The following HIVEP2 variants were observed in gnomAD, a reference collection of about 807,000 sequenced individuals.
HIVEP2 encodes the protein HIVEP zinc finger 2, also known as transcription factor HIVEP2.
Under a neutral mutation model 180.7 loss-of-function variants are expected in HIVEP2, and 14 were observed. The ratio of observed to expected loss-of-function variants is 0.08; its 90% CI spans 0.05 to 0.12. The LOEUF is 0.12. HIVEP2 is among the 10% of genes least tolerant of loss of function. The pLI, the probability that HIVEP2 is intolerant of heterozygous loss-of-function variation, is 1.00. For missense variants in HIVEP2, 2,579 were observed against 3,008.5 expected, an observed-to-expected ratio of 0.86 and a Z score of 3.34; for synonymous variants, 1,184 against 1,136.4, an observed-to-expected ratio of 1.04 and a Z score of -0.84.
At chr6:142,777,325 A>G (rs930732687) in intron 3 of HIVEP2, among the ~76,000 whole-genome samples, 3 of 152,168 alleles carry the variant, frequency 2.0e-5, no homozygotes, top group African/African-American at 7.2e-5. Context: ...AGGGGATAGT[A>G]ACATTAAATG....
At chr6:142,777,736 C>G (rs190641204) in intron 3 of HIVEP2, among the ~76,000 whole-genome samples, 80 of 149,506 alleles carry the variant, frequency 5.4e-4, no homozygotes, top group Non-Finnish European at 1.1e-3. Flanking sequence ...TTTTTACCTT[C>G]CATCTCATGA....
In HIVEP2 at chr6:142,770,524, G is replaced by A. The variant is rs1775501185; in HGVS notation, c.4215C>T (p.Pro1405=). 1 of 1,614,144 alleles carries A rather than the reference G, an allele frequency of 6.2e-7. No individual in the cohort carries two copies. The highest frequency in any genetic ancestry group is 8.5e-7 in the Non-Finnish European group (1 of 1,180,036). The change falls in exon 5 of 10, where the codon CCC becomes CCT. Residue 1405 remains proline (P), a synonymous_variant. Coordinates refer to ENST00000367603, the MANE Select transcript of HIVEP2 (RefSeq NM_006734.4). This position sits in a 1 kb window ranked among gnomAD's most constrained non-coding sequence, Gnocchi z 4.7. Reference sequence around the variant, plus strand: ...GCAAAGTCTGAGGTGCTTTCCAAATGGGGTACTTCTCCAAGCCCGCATGCT... The same window carrying A: ...GCAAAGTCTGAGGTGCTTTCCAAATAGGGTACTTCTCCAAGCCCGCATGCT... ...LGQHAGLEKY[P]IWKAPQTLPL...
intron 1 of HIVEP2, among the ~76,000 whole-genome samples, chr6:142,851,258 G>T (rs907831965): frequency 6.6e-6 from 1 of 152,186 alleles, no homozygotes; most frequent in African/African-American, 2.4e-5. Context: ...TTTCACTGTG[G>T]TAAGACTCAG....
intron 9 of HIVEP2, among the ~76,000 whole-genome samples, chr6:142,755,456 C>T (rs948716301): frequency 1.3e-5 from 2 of 152,202 alleles, no homozygotes; most frequent in Non-Finnish European, 2.9e-5. Flanking sequence ...TAATCAAGTA[C>T]GTTTTCTTTT....
intron 1 of HIVEP2, among the ~76,000 whole-genome samples, chr6:142,854,527 A>G (rs915260397): frequency 6.6e-6 from 1 of 152,214 alleles, no homozygotes; most frequent in East Asian, 1.9e-4. Flanking sequence ...AAATTCTACA[A>G]AAAAACCCAT....
intron 1 of HIVEP2, among the ~76,000 whole-genome samples, chr6:142,864,530 C>T (rs983672406): frequency 4.6e-5 from 7 of 152,140 alleles, no homozygotes; most frequent in Non-Finnish European, 7.4e-5. Flanking sequence ...ACTGTTTATA[C>T]GTTTAGGATA....
At chr6:142,801,789 C>A (rs765522125) in intron 2 of HIVEP2, among the ~76,000 whole-genome samples, 11 of 152,106 alleles carry the variant, frequency 7.2e-5, no homozygotes, top group African/African-American at 1.2e-4. Context: ...AATTTTAAAT[C>A]CATGGCCCTT....
At position 142,772,771 on chromosome 6, in the gene HIVEP2, T is replaced by C. The variant is rs1295727712; in HGVS notation, c.1968A>G (p.Gln656=). 2 of 1,614,230 alleles carry C rather than the reference T, an allele frequency of 1.2e-6. No homozygotes were observed. The highest frequency in any genetic ancestry group is 1.1e-5 in the South Asian group (1 of 91,088). ...KKWEDSETPK[Q]NYRDISCLSS... Reference sequence around the variant, plus strand: ...TCAAGCAGGAAATGTCCCTGTAGTTTTGCTTTGGTGTTTCAGAGTCCTCCC... The same window carrying C: ...TCAAGCAGGAAATGTCCCTGTAGTTCTGCTTTGGTGTTTCAGAGTCCTCCC... Residue 656 remains glutamine (Q), a synonymous_variant, in exon 5 of 10, where the codon CAA becomes CAG. Transcript: ENST00000367603. This position sits in a 1 kb window ranked among gnomAD's most constrained non-coding sequence, Gnocchi z 4.9.
At chr6:142,776,503 A>G (rs1358629184) in intron 3 of HIVEP2, among the ~76,000 whole-genome samples, 1 of 151,480 alleles carries the variant, frequency 6.6e-6, no homozygotes, top group East Asian at 1.9e-4. Flanking sequence ...CTAATTCCCT[A>G]GATATTAAAA....
chr6:142,771,210 A>G lies in HIVEP2; in HGVS notation c.3529T>C (p.Tyr1177His). Residue 1177 changes from tyrosine (Y) to histidine (H), a missense_variant, in exon 5 of 10, where the codon TAT becomes CAT. Physicochemically the swap from Tyr to His is moderately conservative, Grantham distance 83 (BLOSUM62 2). Coordinates refer to ENST00000367603, the MANE Select transcript of HIVEP2 (RefSeq NM_006734.4). The surrounding 1 kb of genome is among the most constrained non-coding windows in gnomAD (Gnocchi z 5.4). ...TCAGGTAAGTGCTTGCTTGTCATAT[A>G]GGATGTTGGTTGGATCAAGGGATTT... is the stretch of plus-strand genomic sequence containing the variant. Reference protein sequence around the residue: ...LRNPLIQPTSYMTSKHLPEQP... With the variant: ...LRNPLIQPTSHMTSKHLPEQP... 1 of 1,614,202 alleles carries G rather than the reference A, an allele frequency of 6.2e-7. No homozygotes were observed. Among genetic ancestry groups the G allele is most frequent in the Non-Finnish European group, 8.5e-7 (1 of 1,180,030 alleles).
chr6:142,833,883 A>G (rs2114870682), intron 2 of HIVEP2, among the ~76,000 whole-genome samples: 1 of 152,338 alleles, frequency 6.6e-6, no homozygotes, highest in South Asian at 2.1e-4. Flanking sequence ...AAACATAAAT[A>G]CTGATAGCCT....
chr6:142,816,476 C>T (rs893512898), intron 2 of HIVEP2, among the ~76,000 whole-genome samples: 43 of 152,298 alleles, frequency 2.8e-4, no homozygotes, highest in African/African-American at 1.0e-3. Context: ...ACTCAACTCA[C>T]ACTATTAGCA....
chr6:142,867,965 T>A (rs1368028984), intron 1 of HIVEP2, among the ~76,000 whole-genome samples: 2 of 152,208 alleles, frequency 1.3e-5, no homozygotes, highest in Non-Finnish European at 2.9e-5. Flanking sequence ...ATCCATTGAA[T>A]AACATGACTT....
At chr6:142,923,395 T>C (rs149321573) in intron 1 of HIVEP2, among the ~76,000 whole-genome samples, 291 of 152,156 alleles carry the variant, frequency 1.9e-3, no homozygotes, top group African/African-American at 6.9e-3. Flanking sequence ...AACCAAAATA[T>C]AACAGATGAC....
At chr6:142,754,275 A>G (rs1283969627) in intron 9 of HIVEP2, among the ~76,000 whole-genome samples, 1 of 151,918 alleles carries the variant, frequency 6.6e-6, no homozygotes, top group African/African-American at 2.4e-5. Context: ...ATTGGCAAAA[A>G]AAAAAAGTTT....
chr6:142,835,573 A>G (rs76793486), intron 2 of HIVEP2, among the ~76,000 whole-genome samples: 4,544 of 152,268 alleles, frequency 0.03, 209 homozygotes, highest in African/African-American at 0.1. Flanking sequence ...ACACTTTTAA[A>G]TATATGTCTT....
intron 1 of HIVEP2, among the ~76,000 whole-genome samples, chr6:142,880,656 T>C (rs1362640278): frequency 6.6e-6 from 1 of 152,164 alleles, no homozygotes; most frequent in Non-Finnish European, 1.5e-5. Context: ...AAAGCTGCCC[T>C]ACACCTCTGA....
intron 2 of HIVEP2, among the ~76,000 whole-genome samples, chr6:142,797,655 A>G (rs1776309985): frequency 1.3e-5 from 2 of 152,162 alleles, no homozygotes; most frequent in Admixed American, 1.3e-4. Context: ...GAACAGTACA[A>G]TAACATATTT....
intron 1 of HIVEP2, among the ~76,000 whole-genome samples, chr6:142,863,021 C>T (rs1435635626): frequency 5.9e-5 from 8 of 136,680 alleles, no homozygotes; most frequent in African/African-American, 8.2e-5. Context: ...ATATTACATA[C>T]AATATGTAAT....
Sources: gnomAD v4.1 joint callset for allele counts (sites outside exome capture counted in the v4.1 genomes callset) on GRCh38, gnomAD v4.1.1 for gene constraint, Gnocchi (gnomAD v3.1) non-coding constraint, MANE v1.5 for transcripts, NCBI Gene and HGNC (gene_info 2026-07-23, HGNC 2026-07-21) for gene names.